Variants in IGF2BP3 observed in about 807,000 individuals in gnomAD.
The protein encoded by IGF2BP3 is insulin like growth factor 2 mRNA binding protein 3, also known as insulin-like growth factor 2 mRNA-binding protein 3.
In IGF2BP3, 9 loss-of-function variants were observed where a neutral mutation model predicts 73.8. The observed-to-expected ratio is 0.12, with a 90% CI of 0.07 to 0.21. The LOEUF is 0.21. Ranked by LOEUF, IGF2BP3 falls within the 10% of genes least tolerant of loss-of-function variation. The pLI is 1.00. For missense variants in IGF2BP3, 542 were observed against 714.0 expected, an observed-to-expected ratio of 0.76 and a Z score of 2.75; for synonymous variants, 258 against 256.7, an observed-to-expected ratio of 1.01 and a Z score of -0.05.
At chr7:23,420,769 G>T (rs1736315246) in intron 2 of IGF2BP3, among the ~76,000 whole-genome samples, 1 of 152,152 alleles carries the variant, frequency 6.6e-6, no homozygotes, top group African/African-American at 2.4e-5. Context: ...AGGAGGGAAG[G>T]AAGAGAAGCA....
At chr7:23,453,974 G>A (rs896907276) in intron 2 of IGF2BP3, among the ~76,000 whole-genome samples, 3 of 152,086 alleles carry the variant, frequency 2.0e-5, no homozygotes, top group Admixed American at 1.3e-4. Flanking sequence ...CTACAGGCAC[G>A]CACCACCATG....
At chr7:23,449,763 C>G (rs369478034) in intron 2 of IGF2BP3, among the ~76,000 whole-genome samples, 1 of 151,582 alleles carries the variant, frequency 6.6e-6, no homozygotes, top group Non-Finnish European at 1.5e-5. Context: ...TGGTTTAACT[C>G]TATTGGCCAG....
chr7:23,370,844 A>C (rs1288630182), intron 3 of IGF2BP3, among the ~76,000 whole-genome samples: 7 of 150,676 alleles, frequency 4.6e-5, no homozygotes, highest in African/African-American at 1.7e-4. Context: ...CGCCCAGCTA[A>C]TTTTTTGTAT....
intron 2 of IGF2BP3, among the ~76,000 whole-genome samples, chr7:23,448,033 A>AT (rs1229203764): frequency 6.6e-6 from 1 of 152,130 alleles, no homozygotes; most frequent in Non-Finnish European, 1.5e-5. Context: ...TCAGCCAGTT[A>AT]TTTTTTACAT....
chr7:23,311,711 A>G lies in IGF2BP3; in HGVS notation c.*651T>C, dbSNP rs935055161. Reference sequence around the variant, plus strand: ...AAATTTTAAATTTATTTTTTAAAAAACGGTTGGACTTCTATCATTATAAAG... The same window carrying G: ...AAATTTTAAATTTATTTTTTAAAAAGCGGTTGGACTTCTATCATTATAAAG... On this transcript the variant is annotated 3_prime_UTR_variant, in exon 15 of 15. Transcript: ENST00000258729. The G allele has an allele frequency of 6.1e-5, 9 of 147,094 alleles. No individual in the cohort carries two copies. The highest frequency in any genetic ancestry group is 1.2e-4 in the Non-Finnish European group (8 of 64,586). 9.1% of individuals were successfully genotyped at this position (147,094 alleles called of 1,614,324 possible). A position where few individuals can be genotyped will look rare whatever the true frequency, so the allele number is the denominator to read the frequency against.
chr7:23,346,107 T>G (rs1208089199), intron 7 of IGF2BP3, 45 bp from the exon 8 acceptor site: 1 of 1,575,692 alleles, frequency 6.3e-7, no homozygotes, highest in South Asian at 1.2e-5. Flanking sequence ...AGTAAACCTA[T>G]TCGTGGGTAA....
chr7:23,363,739 A>G (rs898232358), intron 3 of IGF2BP3, among the ~76,000 whole-genome samples: 2 of 152,254 alleles, frequency 1.3e-5, no homozygotes, highest in Non-Finnish European at 2.9e-5. Flanking sequence ...AGACATTCAA[A>G]TATTTCATGA....
At chr7:23,421,468 G>C (rs185505229) in intron 2 of IGF2BP3, among the ~76,000 whole-genome samples, 1 of 151,746 alleles carries the variant, frequency 6.6e-6, no homozygotes, top group Admixed American at 6.6e-5. Flanking sequence ...TGAGGTGGGC[G>C]GATCACCTGA....
chr7:23,385,795 TGCCTGGGATGAA>T (rs1488399748), intron 3 of IGF2BP3, among the ~76,000 whole-genome samples: 1 of 152,094 alleles, frequency 6.6e-6, no homozygotes, highest in African/African-American at 2.4e-5. Flanking sequence ...TGGTCTCAAA[TGCCTGGGATGAA>T]GCAGTTGTCT....
rs888558230 is a variant in IGF2BP3 at position 23,470,063 on chromosome 7, C to T, written c.48G>A (p.Ser16=). The change falls in exon 1 of 15, where the codon TCG becomes TCA. Residue 16 remains serine, a synonymous_variant. Coordinates refer to ENST00000258729, the MANE Select transcript of IGF2BP3 (RefSeq NM_006547.3). ...IGNLSENAAP[S]DLESIFKDAK... is the part of the protein sequence containing the mutation. The stretch of plus-strand genomic sequence containing the variant: ...CGTCCTTGAAGATACTTTCTAGGTC[C>T]GAGGGGGCGGCGTTCTCGCTGAGGT... The T allele has an allele frequency of 3.7e-6, 6 of 1,610,546 alleles. No individual in the cohort carries two copies. Among genetic ancestry groups the T allele is most frequent in the East Asian group, 2.2e-5 (1 of 44,754 alleles).
intron 3 of IGF2BP3, among the ~76,000 whole-genome samples, chr7:23,401,758 C>T (rs1012103058): frequency 2.0e-5 from 3 of 149,644 alleles, no homozygotes; most frequent in South Asian, 2.1e-4. Context: ...GAACGAGACT[C>T]GTCTCCAAAA....
chr7:23,372,642 G>A lies in IGF2BP3; in HGVS notation c.286-10901C>T, dbSNP rs77756649. ...CGGAACTAGACTGATTTTAAAAGCC[G>A]AGCAGAACAAGTCACACCCTACTAT... On this transcript the variant is annotated intron_variant, in intron 3 of 14. Coordinates refer to ENST00000258729, the MANE Select transcript of IGF2BP3 (RefSeq NM_006547.3). Among the ~76,000 whole-genome samples the A allele has an allele frequency of 6.8e-3, 1,036 of 152,100 alleles. 15 individuals are homozygous for A. The highest frequency in any genetic ancestry group is 0.023 in the African/African-American group (969 of 41,466).
chr7:23,439,330 A>C (rs1222353425), intron 2 of IGF2BP3, among the ~76,000 whole-genome samples: 2 of 151,990 alleles, frequency 1.3e-5, no homozygotes, highest in Admixed American at 6.6e-5. Context: ...AGGTGGGCAG[A>C]TCATGAAGTC....
intron 10 of IGF2BP3, among the ~76,000 whole-genome samples, chr7:23,339,779 T>G (rs184565694): frequency 6.6e-6 from 1 of 152,324 alleles, no homozygotes; most frequent in Admixed American, 6.5e-5. Flanking sequence ...TTACGTCACA[T>G]GATCAGCTCA....
chr7:23,464,434 A>C (rs1490103088), intron 2 of IGF2BP3, among the ~76,000 whole-genome samples: 1 of 152,212 alleles, frequency 6.6e-6, no homozygotes, highest in African/African-American at 2.4e-5. Context: ...ATACATTCAT[A>C]GTGTTGGGCA....
At chr7:23,420,379 G>A (rs1299385657) in intron 2 of IGF2BP3, among the ~76,000 whole-genome samples, 4 of 152,190 alleles carry the variant, frequency 2.6e-5, no homozygotes, top group African/African-American at 9.7e-5. Context: ...TCAGGAGACT[G>A]AGATGGAAGG....
In IGF2BP3 at chr7:23,403,296, T is replaced by C. The variant is rs953391072; in HGVS notation, c.285+15480A>G. ...AGTATTGGTCCACTGAGGATTATTC[T>C]ACATATGGTACAAGCACTTAGCTAT... On this transcript the variant is annotated intron_variant, in intron 3 of 14. Transcript: ENST00000258729. 1.3e-5 allele frequency among the ~76,000 whole-genome samples: 2 copies of C among 152,236 alleles called. 1 individual carries two copies.
chr7:23,338,393 T>A (rs1478425302), intron 10 of IGF2BP3, among the ~76,000 whole-genome samples: 1 of 152,208 alleles, frequency 6.6e-6, no homozygotes, highest in African/African-American at 2.4e-5. Context: ...TGATGGTGTG[T>A]GCCTGTAGTC....
chr7:23,316,536 G>A (rs747472113), intron 12 of IGF2BP3, among the ~76,000 whole-genome samples: 4 of 152,006 alleles, frequency 2.6e-5, no homozygotes, highest in Admixed American at 1.3e-4. Context: ...TTGGCTGGGC[G>A]TGGCGGCACA....
Sources: allele counts gnomAD v4.1 joint callset (sites outside exome capture counted in the v4.1 genomes callset), GRCh38; gene constraint gnomAD v4.1.1; transcripts MANE v1.5; gene names NCBI Gene and HGNC (gene_info 2026-07-23, HGNC 2026-07-21).